Variants in LNX1 observed in about 807,000 individuals in gnomAD.
LNX1 encodes ligand of numb-protein X 1.
In LNX1, 54 loss-of-function variants were observed where a neutral mutation model predicts 68.4. The ratio of observed to expected loss-of-function variants is 0.79; its 90% CI spans 0.63 to 0.99. LNX1 has a LOEUF of 0.99. LNX1 is among the 50% of genes least tolerant of loss of function. The probability of loss-of-function intolerance (pLI) is 0.00; values close to 1 mark genes in which losing one functional copy is unlikely to be tolerated. For missense variants in LNX1, 906 were observed against 926.4 expected (o/e 0.98, Z 0.29); for synonymous variants, 336 against 350.0 (o/e 0.96, Z 0.45).
chr4:53,636,785 T>A (rs1734496815), intron 1 of LNX1, among the ~76,000 whole-genome samples: 1 of 152,140 alleles, frequency 6.6e-6, no homozygotes, highest in African/African-American at 2.4e-5. Context: ...CCTATGTCCA[T>A]ATTTAGACTC....
chr4:53,608,260 C>T (rs1349751042), intron 2 of LNX1, among the ~76,000 whole-genome samples: 1 of 151,950 alleles, frequency 6.6e-6, no homozygotes, highest in South Asian at 2.1e-4. Context: ...GGAACTTTGA[C>T]AAAACAACAA....
At chr4:53,592,486 G>A (rs1732554020), upstream of LNX1, among the ~76,000 whole-genome samples, 1 of 152,122 alleles carries the variant, frequency 6.6e-6, no homozygotes, top group Non-Finnish European at 1.5e-5. Flanking sequence ...CCATTGAAAC[G>A]CTGCGTATTT....
At position 53,459,612 on chromosome 4, in the gene LNX1, A is replaced by T. The variant is rs1721388442; in HGVS notation, c.*1295T>A. 1.0e-6 allele frequency: 1 copy of T among 981,454 alleles called. No homozygotes were observed. 60.8% of individuals were successfully genotyped at this position (981,454 alleles called of 1,614,324 possible). A position where few individuals can be genotyped will look rare whatever the true frequency, so the allele number is the denominator to read the frequency against. On this transcript the variant is annotated 3_prime_UTR_variant, in exon 11 of 11. Coordinates refer to ENST00000263925, the MANE Select transcript of LNX1 (RefSeq NM_001126328.3). ...AATAAAAGAGTGAATTTTTCATGTT[A>T]AGTTAAAAATCTTTGTCTTGTACTA...
chr4:53,641,561 C>T (rs1734682699), intron 1 of LNX1, among the ~76,000 whole-genome samples: 1 of 152,216 alleles, frequency 6.6e-6, no homozygotes, highest in South Asian at 2.1e-4. Context: ...GGGGTTCAAC[C>T]TAATGCACAT....
intron 2 of LNX1, among the ~76,000 whole-genome samples, chr4:53,611,802 T>C (rs1342310870): frequency 6.6e-6 from 1 of 152,104 alleles, no homozygotes. Context: ...CCAAGAAATC[T>C]AGTGGATTAT....
intron 2 of LNX1, among the ~76,000 whole-genome samples, chr4:53,527,002 G>A (rs1727655783): frequency 6.8e-6 from 1 of 146,848 alleles, no homozygotes; most frequent in South Asian, 2.1e-4. Context: ...ATACATAAGA[G>A]GCTAAATATA....
At chr4:53,539,758 C>A (rs1319307918) in intron 2 of LNX1, among the ~76,000 whole-genome samples, 2 of 152,224 alleles carry the variant, frequency 1.3e-5, no homozygotes, top group African/African-American at 2.4e-5. Context: ...ACTGCTGTTA[C>A]CCAAAACCCA....
intron 2 of LNX1, among the ~76,000 whole-genome samples, chr4:53,563,541 T>TTTTTC (rs1328919798): frequency 1.3e-5 from 2 of 151,620 alleles, no homozygotes; most frequent in African/African-American, 4.9e-5. Flanking sequence ...CAAATTCTTT[T>TTTTTC]TTTTTTTTTT....
chr4:53,617,302 G>C (rs2109855395), exon 1 of LNX1: 1 of 152,158 alleles, frequency 6.6e-6, no homozygotes, highest in East Asian at 1.9e-4. Flanking sequence ...TTCTTCTCAG[G>C]GCAAAACCAC....
chr4:53,636,179 C>CTTTTTT (rs11440722), intron 1 of LNX1, among the ~76,000 whole-genome samples: 30 of 85,220 alleles, frequency 3.5e-4, no homozygotes, highest in Admixed American at 6.8e-4. Context: ...TCTATTACTC[C>CTTTTTT]TTTTTTTTTT....
chr4:53,648,271 T>C (rs764897920), intron 1 of LNX1, among the ~76,000 whole-genome samples: 2 of 152,230 alleles, frequency 1.3e-5, no homozygotes, highest in African/African-American at 4.8e-5. Context: ...ATTGGTTATT[T>C]TGGAATTTTT....
upstream of LNX1, among the ~76,000 whole-genome samples, chr4:53,621,351 G>T (rs1733873978): frequency 6.6e-6 from 1 of 152,152 alleles, no homozygotes; most frequent in Non-Finnish European, 1.5e-5. Flanking sequence ...CTCACTGTGG[G>T]GTTCTAGTTG....
At position 53,538,375 on chromosome 4, in the gene LNX1, G is replaced by C. The variant is rs562727845; in HGVS notation, c.381-30148C>G. ...GCAGAGTCTTCTGCTACCTAGAACA[G>C]CTTTCCCTGTGAAGTTCTGCTGTAT... On this transcript the variant is annotated intron_variant, in intron 2 of 10. Coordinates refer to ENST00000263925, the MANE Select transcript of LNX1 (RefSeq NM_001126328.3). Among the ~76,000 whole-genome samples, 10 of 152,304 alleles carry C rather than the reference G, an allele frequency of 6.6e-5. No individual in the cohort carries two copies. In the East Asian group the frequency reaches 1.5e-3, roughly 24 times the overall value.
chr4:53,476,786 G>A lies in LNX1; in HGVS notation c.1859C>T (p.Ser620Phe). Residue 620 changes from serine (S) to phenylalanine (F), a missense_variant, in exon 9 of 11, where the codon TCC (serine) becomes TTC (phenylalanine). By Grantham distance (155) the Ser-to-Phe change is radical (BLOSUM62 -2). Transcript: ENST00000263925. ...TTCCAGCCACATGACCCAGGATGGGGACCAGTCACTGGGTGGGGCCATGTT... is the reference window on the plus strand; with the variant it reads ...TTCCAGCCACATGACCCAGGATGGGAACCAGTCACTGGGTGGGGCCATGTT... ...NHNMAPPSDW[S>F]PSWVMWLELP... 6.2e-7 allele frequency: 1 copy of A among 1,614,148 alleles called. No individual in the cohort carries two copies. The highest frequency in any genetic ancestry group is 1.3e-5 in the African/African-American group (1 of 75,032).
At chr4:53,608,780 A>G (rs759810177) in intron 2 of LNX1, among the ~76,000 whole-genome samples, 18 of 152,210 alleles carry the variant, frequency 1.2e-4, no homozygotes, top group Non-Finnish European at 2.6e-4. Context: ...CTATGCAGCC[A>G]TAAAAAGAAT....
chr4:53,574,159 G>T, intron 1 of LNX1, 71 bp from the exon 2 acceptor site: 1 of 1,147,434 alleles, frequency 8.7e-7, no homozygotes, highest in Non-Finnish European at 1.2e-6. Flanking sequence ...GTAGACATGA[G>T]ACAGGGCTGC....
intron 2 of LNX1, among the ~76,000 whole-genome samples, chr4:53,600,004 C>T (rs778660537): frequency 3.3e-5 from 5 of 152,132 alleles, no homozygotes; most frequent in Non-Finnish European, 7.3e-5. Flanking sequence ...ATTTAAAATT[C>T]CTTTAAGGTA....
chr4:53,484,540 G>C (rs1394435409), intron 6 of LNX1, among the ~76,000 whole-genome samples: 1 of 151,868 alleles, frequency 6.6e-6, no homozygotes, highest in Non-Finnish European at 1.5e-5. Context: ...TCAAGCCTGG[G>C]TGAGAAAGCA....
chr4:53,471,070 GCA>G (rs1560613324), intron 9 of LNX1, among the ~76,000 whole-genome samples: 2 of 42,894 alleles, frequency 4.7e-5, no homozygotes, highest in African/African-American at 9.5e-5. Context: ...TGGAGGCATC[GCA>G]CTACCTGACT....
Sources: gnomAD v4.1 joint callset for allele counts (sites outside exome capture counted in the v4.1 genomes callset) on GRCh38, gnomAD v4.1.1 for gene constraint, MANE v1.5 for transcripts, NCBI Gene and HGNC (gene_info 2026-07-23, HGNC 2026-07-21) for gene names.